The following DHX16 variants were observed in gnomAD, a reference collection of about 807,000 sequenced individuals.
DHX16 encodes pre-mRNA-splicing factor ATP-dependent RNA helicase DHX16.
DHX16 carries 81 observed loss-of-function variants against 131.2 expected under a neutral mutation model. The observed-to-expected ratio is 0.62, with a 90% CI of 0.52 to 0.74. The LOEUF (loss-of-function observed/expected upper bound fraction) is 0.74, where lower values mean the gene tolerates loss of function less well. Among genes scored for constraint, DHX16 ranks in the 30% least tolerant of loss-of-function variants. The pLI is 0.00. For synonymous variants in DHX16, 440 were observed against 520.2 expected (o/e 0.85, Z 2.10); for missense variants, 980 against 1,363.1 (o/e 0.72, Z 4.43).
rs757261998 is a variant in DHX16 at position 30,654,851 on chromosome 6, G to T, written c.2852C>A (p.Thr951Lys). The change falls in exon 19 of 20, where the codon ACG becomes AAG. Residue 951 changes from threonine to lysine, a missense_variant. Thr to Lys is a moderately conservative substitution (Grantham distance 78). This residue lies in a region of DHX16 where 214 missense variants were observed against 271.2 expected (regional missense o/e 0.79). Transcript: ENST00000376442. ...KAITAGYFYH[T>K]ARLTRSGYRT... ...GTAGCCACTCCGAGTCAACCGTGCC[G>T]TGTGGTAAAAGTAACCAGCAGTGAT... The T allele has an allele frequency of 3.1e-6, 5 of 1,612,768 alleles. No individual in the cohort carries two copies. The highest frequency in any genetic ancestry group is 4.2e-6 in the Non-Finnish European group (5 of 1,179,960).
rs368358552 is a variant in DHX16 at position 30,665,088 on chromosome 6, G to A, written c.1108C>T (p.Gln370Ter). The A allele has an allele frequency of 3.7e-6, 6 of 1,613,902 alleles. No homozygotes were observed. The African/African-American group carries it at 6.7e-5, about 18-fold the overall frequency. ...CCTCTTACCTCATCACCCTGGAGCT[G>A]AGTGGCCCGGACAAACTCAATGGTC... ...EETIEFVRAT[Q>*]LQGDEEPSAP... is the part of the protein sequence containing the mutation. The change falls in exon 6 of 20, where the codon CAG (glutamine) becomes TAG (stop). Residue 370 changes from glutamine (Q) to a stop codon, truncating the protein, a stop_gained. Transcript: ENST00000376442. LOFTEE classifies it high-confidence loss of function. The surrounding 1 kb of genome is among the most constrained non-coding windows in gnomAD (Gnocchi z 4.8).
At chr6:30,667,126 A>G (rs984678465) in intron 4 of DHX16, among the ~76,000 whole-genome samples, 1 of 152,230 alleles carries the variant, frequency 6.6e-6, no homozygotes, top group Non-Finnish European at 1.5e-5. Context: ...CAGTGAAATG[A>G]CTGTTACAGC....
intron 12 of DHX16, among the ~76,000 whole-genome samples, chr6:30,658,769 T>C (rs947213156): frequency 2.4e-4 from 37 of 152,114 alleles, no homozygotes; most frequent in African/African-American, 8.7e-4. Context: ...TCCCTAATCT[T>C]AGCCCCAAAT....
chr6:30,671,213 AGGGCCC>A lies in DHX16; in HGVS notation c.263_268del (p.Arg88_Ala89del). The A allele has an allele frequency of 6.2e-7, 1 of 1,612,998 alleles. No individual in the cohort carries two copies. The highest frequency in any genetic ancestry group is 1.1e-5 in the South Asian group (1 of 91,082). ...CCTATAAGATCGGTTCTTCTCCAGC[AGGGCCC>A]GGGCCTCTCGCTCTGCTGCCCGAGC... On this transcript the variant is annotated inframe_deletion, in exon 2 of 20. Coordinates refer to ENST00000376442, the MANE Select transcript of DHX16 (RefSeq NM_003587.5).
At chr6:30,655,044 TG>T in intron 18 of DHX16, 130 bp downstream of exon 18, 2 of 1,431,536 alleles carry the variant, frequency 1.4e-6, no homozygotes, top group Non-Finnish European at 1.9e-6. Context: ...GAAAGGGCCC[TG>T]GGAGGACACG....
chr6:30,655,020 A>T (rs543607750), intron 18 of DHX16, 141 bp from the exon 19 acceptor site: 1 of 1,395,682 alleles, frequency 7.2e-7, no homozygotes, highest in Non-Finnish European at 9.8e-7. Flanking sequence ...ATGAACCTTC[A>T]GTGGTCTGGG....
At position 30,662,784 on chromosome 6, in the gene DHX16, G is replaced by A; in HGVS notation, c.1429-42C>T. The A allele has an allele frequency of 6.3e-7, 1 of 1,590,040 alleles. No homozygotes were observed. The highest frequency in any genetic ancestry group is 8.6e-7 in the Non-Finnish European group (1 of 1,160,670). ...TTAGCAACCAAGTGTGGGCTGGTGT[G>A]CCCTGAAAGGAACTTGGGGAAAGGT... On this transcript the variant is annotated intron_variant, in intron 8 of 19. Coordinates refer to ENST00000376442, the MANE Select transcript of DHX16 (RefSeq NM_003587.5). The surrounding 1 kb of genome is among the most constrained non-coding windows in gnomAD (Gnocchi z 4.7).
rs777383798 is a variant in DHX16 at position 30,656,616 on chromosome 6, C to T, written c.2292G>A (p.Val764=). Residue 764 remains valine (V), a synonymous_variant, in exon 14 of 20, where the codon GTG becomes GTA. Coordinates refer to ENST00000376442, the MANE Select transcript of DHX16 (RefSeq NM_003587.5). The surrounding 1 kb of genome is among the most constrained non-coding windows in gnomAD (Gnocchi z 5.1). ...EIQRTSLGNV[V]LLLKSLGIHD... is the part of the protein sequence containing the mutation. ...AATCACCTAAGCTCTTGAGCAGCAA[C>T]ACGACATTGCCCAAGCTGGTCCTCT... 9.9e-6 allele frequency: 16 copies of T among 1,614,196 alleles called. No individual in the cohort carries two copies. The highest frequency in any genetic ancestry group is 1.7e-5 in the Admixed American group (1 of 60,028).
intron 19 of DHX16, among the ~76,000 whole-genome samples, chr6:30,653,629 A>AAGTGCTAGGATCCTGCCTTGGCCTCCCAG (rs1767670642): frequency 6.6e-6 from 1 of 152,058 alleles, no homozygotes; most frequent in South Asian, 2.1e-4. Context: ...TGGCCTCCCA[A>AAGTGCTAGGATCCTGCCTTGGCCTCCCAG]AGTGCTGGGA....
intron 12 of DHX16, among the ~76,000 whole-genome samples, chr6:30,658,542 CAAAAAAAA>C (rs538072025): frequency 9.7e-5 from 8 of 82,102 alleles, no homozygotes; most frequent in Admixed American, 2.9e-4. Context: ...GACTCCATCT[CAAAAAAAA>C]AAAAAAAAAA....
rs761728114 is a variant in DHX16 at position 30,665,511 on chromosome 6, G to A, written c.889C>T (p.Arg297Cys). The A allele has an allele frequency of 6.2e-6, 10 of 1,613,044 alleles. No individual in the cohort carries two copies. The highest frequency in any genetic ancestry group is 1.7e-5 in the Admixed American group (1 of 60,020). Residue 297 changes from arginine to cysteine, a missense_variant, in exon 5 of 20, where the codon CGC becomes TGC. Physicochemically the swap from Arg to Cys is radical, Grantham distance 180. Around this residue, in one of 3 missense-constraint regions of DHX16, gnomAD observed 457 missense variants for 554.8 expected, o/e 0.82. Coordinates refer to ENST00000376442, the MANE Select transcript of DHX16 (RefSeq NM_003587.5). This position sits in a 1 kb window ranked among gnomAD's most constrained non-coding sequence, Gnocchi z 4.8. ...GEQEKLEATN[R>C]YHMPKETRGQ... ...CGGGTTTCCTTGGGCATGTGGTAGC[G>A]ATTGGTGGCCTCCAGCTTCTCCTGC...
At chr6:30,664,654 G>T in intron 7 of DHX16, 147 bp downstream of exon 7, 1 of 706,866 alleles carries the variant, frequency 1.4e-6, no homozygotes, top group Non-Finnish European at 2.3e-6. Context: ...ATGTGAAAAG[G>T]GTATGGTCTT....
At position 30,662,906 on chromosome 6, in the gene DHX16, C is replaced by G. The variant is rs749998286; in HGVS notation, c.1428+5G>C. ...CTCTACCCCCCGGTTCCCTAGAAATCTCACCTCATTCCCAAGCTTCACACC... is the reference window on the plus strand; with the variant it reads ...CTCTACCCCCCGGTTCCCTAGAAATGTCACCTCATTCCCAAGCTTCACACC... On this transcript the variant is annotated splice_donor_5th_base_variant and intron_variant, in intron 8 of 19. Coordinates refer to ENST00000376442, the MANE Select transcript of DHX16 (RefSeq NM_003587.5). This position sits in a 1 kb window ranked among gnomAD's most constrained non-coding sequence, Gnocchi z 4.7. 6.2e-7 allele frequency: 1 copy of G among 1,612,558 alleles called. No homozygotes were observed. Among genetic ancestry groups the G allele is most frequent in the Non-Finnish European group, 8.5e-7 (1 of 1,179,726 alleles).
chr6:30,660,366 G>A lies in DHX16; in HGVS notation c.1545-124C>T, dbSNP rs568103461. 13 of 779,270 alleles carry A rather than the reference G, an allele frequency of 1.7e-5. No individual in the cohort carries two copies. The East Asian group carries it at 2.8e-4, about 16-fold the overall frequency. 48.3% of individuals were successfully genotyped at this position (779,270 alleles called of 1,614,324 possible). On this transcript the variant is annotated intron_variant, in intron 9 of 19. Transcript: ENST00000376442. ...AGTTCAAGAATGACTGTTGACGGAG[G>A]GGGCTCTAAGGAGAAGTCAGCCATC...
chr6:30,669,701 G>A (rs527404885), intron 4 of DHX16, among the ~76,000 whole-genome samples: 8 of 148,272 alleles, frequency 5.4e-5, no homozygotes, highest in East Asian at 2.0e-4. Flanking sequence ...CTCCAGCCTC[G>A]GTGACAGGGC....
intron 10 of DHX16, 33 bp downstream of exon 10, chr6:30,659,997 CCA>C: frequency 6.2e-7 from 1 of 1,604,278 alleles, no homozygotes; most frequent in Non-Finnish European, 8.5e-7. Context: ...AGCTTTTCTG[CCA>C]CAGACTTAAG....
Position 30,657,068 on chromosome 6 carries a change from C to A in DHX16, c.2032G>T (p.Glu678Ter), listed in dbSNP as rs918254626. ...ATGCCCTCAATGGTGAGTGATGTCTCAGCAATGTTCGTTGCCACAACCACC... is the reference window on the plus strand; with the variant it reads ...ATGCCCTCAATGGTGAGTGATGTCTAAGCAATGTTCGTTGCCACAACCACC... ...RKVVVATNIAETSLTIEGIIY... is the reference protein window; with the variant it reads ...RKVVVATNIA Residue 678 changes from glutamate to a stop codon, truncating the protein, a stop_gained, in exon 13 of 20, where the codon GAG (glutamate) becomes TAG (stop). Coordinates refer to ENST00000376442, the MANE Select transcript of DHX16 (RefSeq NM_003587.5). LOFTEE classifies it high-confidence loss of function. 1.6e-5 allele frequency: 26 copies of A among 1,612,834 alleles called. No individual in the cohort carries two copies. Among genetic ancestry groups the A allele is most frequent in the Non-Finnish European group, 2.1e-5 (25 of 1,179,950 alleles).
Position 30,665,542 on chromosome 6 carries a change from A to C in DHX16, c.858T>G (p.Ala286=). The change falls in exon 5 of 20, where the codon GCT becomes GCG. Residue 286 remains alanine, a synonymous_variant. Coordinates refer to ENST00000376442, the MANE Select transcript of DHX16 (RefSeq NM_003587.5). The surrounding 1 kb of genome is among the most constrained non-coding windows in gnomAD (Gnocchi z 4.8). The stretch of plus-strand genomic sequence containing the variant: ...TGGCCTCCAGCTTCTCCTGCTCCCC[A>C]GCTGCCCGGTACTCCCGGGCGAGAT... The part of the protein sequence containing the change: ...VRDLAREYRA[A]GEQEKLEATN... The C allele has an allele frequency of 6.2e-7, 1 of 1,612,986 alleles. No individual in the cohort carries two copies. Among genetic ancestry groups the C allele is most frequent in the East Asian group, 2.2e-5 (1 of 44,878 alleles).
Position 30,665,310 on chromosome 6 carries a change from AG to A in DHX16, c.922-37del, listed in dbSNP as rs747244085. ...AGGGGATATGTGAAGACTCAAAAACAGGATGTCCTCTCTGCCCTCTCCCCTC... is the reference window on the plus strand; with the variant it reads ...AGGGGATATGTGAAGACTCAAAAACAGATGTCCTCTCTGCCCTCTCCCCTC... On this transcript the variant is annotated intron_variant, in intron 5 of 19. Coordinates refer to ENST00000376442, the MANE Select transcript of DHX16 (RefSeq NM_003587.5). The surrounding 1 kb of genome is among the most constrained non-coding windows in gnomAD (Gnocchi z 4.8). 14 of 1,597,432 alleles carry A rather than the reference AG, an allele frequency of 8.8e-6. No individual in the cohort carries two copies. In the East Asian group the frequency reaches 2.9e-4, roughly 33 times the overall value.
Sources: gnomAD v4.1 joint callset for allele counts (sites outside exome capture counted in the v4.1 genomes callset) on GRCh38, gnomAD v4.1.1 for gene constraint, gnomAD v4.1.1 regional missense constraint, Gnocchi (gnomAD v3.1) non-coding constraint, MANE v1.5 for transcripts, NCBI Gene and HGNC (gene_info 2026-07-23, HGNC 2026-07-21) for gene names.